The following SYTL2 variants were observed in gnomAD, a reference collection of about 807,000 sequenced individuals.
SYTL2 encodes synaptotagmin like 2, also known as synaptotagmin-like protein 2.
A neutral mutation model predicts 198.7 loss-of-function variants in SYTL2; 165 were observed. The ratio of observed to expected loss-of-function variants is 0.83; its 90% CI spans 0.73 to 0.94. The LOEUF (loss-of-function observed/expected upper bound fraction) is 0.94. Among genes scored for constraint, SYTL2 ranks in the 40% least tolerant of loss-of-function variants. SYTL2 has a pLI of 0.00. For synonymous variants in SYTL2, 966 were observed against 917.7 expected, an observed-to-expected ratio of 1.05 and a Z score of -0.95; for missense variants, 2,835 against 2,582.8, an observed-to-expected ratio of 1.10 and a Z score of -2.12.
chr11:85,733,236 A>G (rs1279187308), intron 7 of SYTL2, among the ~76,000 whole-genome samples: 1 of 152,236 alleles, frequency 6.6e-6, no homozygotes, highest in Non-Finnish European at 1.5e-5. Flanking sequence ...GTAAAATTGT[A>G]ATTAATAAAT....
chr11:85,722,732 AAATT>A (rs1234338712), intron 8 of SYTL2, among the ~76,000 whole-genome samples: 3 of 151,962 alleles, frequency 2.0e-5, no homozygotes, highest in African/African-American at 7.2e-5. Context: ...GAGATTAAAT[AAATT>A]TAGAGATTTA....
the SYTL2 span, among the ~76,000 whole-genome samples, chr11:85,822,424 C>G: frequency 1.3e-5 from 2 of 152,234 alleles, no homozygotes; most frequent in Non-Finnish European, 2.9e-5. Flanking sequence ...GAGAACCTGT[C>G]TTGAATCCCT....
chr11:85,705,216 A>T (rs1046474660), intron 15 of SYTL2, 188 bp from the exon 16 acceptor site: 4 of 470,160 alleles, frequency 8.5e-6, no homozygotes, highest in African/African-American at 7.8e-5. Flanking sequence ...TCCATCTTTC[A>T]TAAAAGCTGA....
the SYTL2 span, among the ~76,000 whole-genome samples, chr11:85,818,170 T>C: frequency 2.0e-5 from 3 of 152,114 alleles, no homozygotes; most frequent in Non-Finnish European, 4.4e-5. Flanking sequence ...CCCAAAGTGC[T>C]GGTATTACAG....
At chr11:85,787,530 G>A (rs528396843) in intron 1 of SYTL2, among the ~76,000 whole-genome samples, 2 of 152,192 alleles carry the variant, frequency 1.3e-5, no homozygotes, top group South Asian at 2.1e-4. Context: ...ATAGAGGATG[G>A]AGTAAATGGG....
At chr11:85,845,078 C>A in the SYTL2 span, among the ~76,000 whole-genome samples, 1 of 152,228 alleles carries the variant, frequency 6.6e-6, no homozygotes, top group African/African-American at 2.4e-5. Context: ...TGCACATTGT[C>A]AAGTTCCTGC....
chr11:85,810,998 T>G lies in SYTL2; in HGVS notation c.-434A>C, dbSNP rs2093024706. On this transcript the variant is annotated 5_prime_UTR_variant, in exon 1 of 20. Transcript: ENST00000359152. ...AGGGAGCGCGCCTCGCCGTCTCTCT[T>G]GTCTTCTGGCCCCCAGCCCTCGGCC... is the stretch of plus-strand genomic sequence containing the variant. 1 of 152,170 alleles carries G rather than the reference T, an allele frequency of 6.6e-6. No homozygotes were observed. The highest frequency in any genetic ancestry group is 2.4e-5 in the African/African-American group (1 of 41,428). 9.4% of individuals were successfully genotyped at this position (152,170 alleles called of 1,614,324 possible). A position where few individuals can be genotyped will look rare whatever the true frequency, so the allele number is the denominator to read the frequency against.
intron 1 of SYTL2, among the ~76,000 whole-genome samples, chr11:85,760,145 T>C (rs1177688179): frequency 6.6e-6 from 1 of 152,198 alleles, no homozygotes; most frequent in African/African-American, 2.4e-5. Flanking sequence ...TGAGAAGAGC[T>C]TGTCCCAGTT....
In SYTL2 at chr11:85,745,731, A is replaced by G. The variant is rs200469060; in HGVS notation, c.295T>C (p.Trp99Arg). The stretch of plus-strand genomic sequence containing the variant: ...GCATCTTTGTTGACATTATTCACCC[A>G]GCTTTCCTTTGCCCCATTTTCTCTG... ...KDRENGAKESWVNNVNKDAFL... is the reference protein window; with the variant it reads ...KDRENGAKESRVNNVNKDAFL... The change falls in exon 4 of 20, where the codon TGG becomes CGG. Residue 99 changes from tryptophan to arginine, a missense_variant. By Grantham distance (101) the Trp-to-Arg change is moderately radical. Transcript: ENST00000359152. 9 of 1,613,670 alleles carry G rather than the reference A, an allele frequency of 5.6e-6. No homozygotes were observed. In the Admixed American group the frequency reaches 6.7e-5, roughly 12 times the overall value.
intron 4 of SYTL2, among the ~76,000 whole-genome samples, chr11:85,744,955 T>C (rs902345954): frequency 3.3e-5 from 5 of 152,150 alleles, no homozygotes; most frequent in African/African-American, 7.2e-5. Flanking sequence ...TACATTTTGA[T>C]TGGTCAGATA....
At chr11:85,699,814 C>G (rs1222272111) in intron 17 of SYTL2, among the ~76,000 whole-genome samples, 1 of 152,280 alleles carries the variant, frequency 6.6e-6, no homozygotes, top group South Asian at 2.1e-4. Context: ...TAGTCTCTTG[C>G]TCCTTAACTG....
chr11:85,704,988 T>G lies in SYTL2; in HGVS notation c.6059A>C (p.Asn2020Thr). 1 of 1,613,230 alleles carries G rather than the reference T, an allele frequency of 6.2e-7. No homozygotes were observed. The highest frequency in any genetic ancestry group is 8.5e-7 in the Non-Finnish European group (1 of 1,179,476). The change falls in exon 16 of 20, where the codon AAC becomes ACC. Residue 2020 changes from asparagine to threonine, a missense_variant. This residue lies in a region of SYTL2 where 2,645 missense variants were observed against 2,381.7 expected (regional missense o/e 1.11). Coordinates refer to ENST00000359152, the MANE Select transcript of SYTL2 (RefSeq NM_206927.4). The stretch of plus-strand genomic sequence containing the variant: ...TGTATCCCGATGCCAAATGGACAGG[T>G]TCAATTTCTGTGTCTTTAAGATTTG... ...EKQILKTQKLNLSIWHRDTFK... is the reference protein window; with the variant it reads ...EKQILKTQKLTLSIWHRDTFK...
intron 19 of SYTL2, 29 bp downstream of exon 19, chr11:85,696,154 T>A (rs781079699): frequency 3.7e-6 from 6 of 1,605,972 alleles, no homozygotes; most frequent in Middle Eastern, 3.3e-4. Context: ...ATTTGGCTCA[T>A]GGAGAATTAA....
chr11:85,851,657 T>A, the SYTL2 span, among the ~76,000 whole-genome samples: 2 of 152,222 alleles, frequency 1.3e-5, no homozygotes, highest in Non-Finnish European at 2.9e-5. Flanking sequence ...TAAGAAAAAC[T>A]GTGCAGGATA....
At chr11:85,818,616 A>C in the SYTL2 span, among the ~76,000 whole-genome samples, 1 of 152,134 alleles carries the variant, frequency 6.6e-6, no homozygotes, top group Non-Finnish European at 1.5e-5. Context: ...CCACTTGCCT[A>C]TAGTAAAAAT....
At chr11:85,710,236 C>T (rs2086012231) in intron 13 of SYTL2, among the ~76,000 whole-genome samples, 1 of 152,182 alleles carries the variant, frequency 6.6e-6, no homozygotes, top group Admixed American at 6.5e-5. Context: ...CCATGTTACC[C>T]ATCCACTGAA....
chr11:85,824,841 C>T, the SYTL2 span, among the ~76,000 whole-genome samples: 1 of 152,184 alleles, frequency 6.6e-6, no homozygotes, highest in Non-Finnish European at 1.5e-5. Flanking sequence ...AACATTTATC[C>T]TGCGAAGACG....
intron 9 of SYTL2, 193 bp from the exon 10 acceptor site, chr11:85,719,036 C>T: frequency 6.6e-7 from 1 of 1,520,660 alleles, no homozygotes; most frequent in Non-Finnish European, 8.8e-7. Context: ...GCGGGAGCTC[C>T]CATTTCAGCC....
chr11:85,776,599 C>T (rs1199998239), intron 1 of SYTL2, among the ~76,000 whole-genome samples: 1 of 152,166 alleles, frequency 6.6e-6, no homozygotes, highest in Non-Finnish European at 1.5e-5. Flanking sequence ...TTTGTGGCTG[C>T]ATAGTATCCA....
Sources: allele counts gnomAD v4.1 joint callset (sites outside exome capture counted in the v4.1 genomes callset), GRCh38; gene constraint gnomAD v4.1.1; regional missense constraint gnomAD v4.1.1; transcripts MANE v1.5; gene names NCBI Gene and HGNC (gene_info 2026-07-23, HGNC 2026-07-21).